The following COL5A1 variants were observed in gnomAD, a reference collection of about 807,000 sequenced individuals.
COL5A1 encodes the protein collagen alpha-1(V) chain.
A neutral mutation model predicts 263.7 loss-of-function variants in COL5A1; 16 were observed. The ratio of observed to expected loss-of-function variants is 0.06; its 90% CI spans 0.04 to 0.09. COL5A1 has a LOEUF of 0.09. COL5A1 is among the 10% of genes least tolerant of loss of function. The pLI is 1.00. For synonymous variants in COL5A1, 1,012 were observed against 1,004.5 expected (o/e 1.01, Z -0.14); for missense variants, 2,036 against 2,540.5 (o/e 0.80, Z 4.27).
rs1831501204 is a variant in COL5A1 at position 134,647,136 on chromosome 9, C to T, written c.109+4840C>T. Among the ~76,000 whole-genome samples, 2 of 152,276 alleles carry T rather than the reference C, an allele frequency of 1.3e-5. No homozygotes were observed. The highest frequency in any genetic ancestry group is 4.8e-5 in the African/African-American group (2 of 41,556). On this transcript the variant is annotated intron_variant, in intron 1 of 65. Coordinates refer to ENST00000371817, the MANE Select transcript of COL5A1 (RefSeq NM_000093.5). The surrounding 1 kb of genome is among the most constrained non-coding windows in gnomAD (Gnocchi z 5.0). ...CAGCCCTCTTTAGCTCCCAGAAGCA[C>T]AGGCGAGGGAGGTGTGCCTGTGTGG...
At chr9:134,753,796 G>GCGGGGT in intron 14 of COL5A1, 54 bp from the exon 15 acceptor site, 1 of 1,238,744 alleles carries the variant, frequency 8.1e-7, no homozygotes, top group Non-Finnish European at 1.2e-6. Context: ...AGCCCTTCCT[G>GCGGGGT]TGTTCTCGAG....
intron 4 of COL5A1, among the ~76,000 whole-genome samples, chr9:134,725,081 C>T (rs567433293): frequency 9.2e-5 from 14 of 152,318 alleles, no homozygotes; most frequent in African/African-American, 3.4e-4. Context: ...AGTCCCCTTG[C>T]CTGCGGCACC....
At chr9:134,662,904 G>C (rs1400274570) in intron 1 of COL5A1, among the ~76,000 whole-genome samples, 6 of 152,220 alleles carry the variant, frequency 3.9e-5, no homozygotes, top group Admixed American at 2.6e-4. Context: ...AACCTCATCT[G>C]CCTCGTTAGC....
chr9:134,798,564 C>T (rs1000267762), intron 37 of COL5A1, 103 bp downstream of exon 37: 11 of 752,092 alleles, frequency 1.5e-5, no homozygotes, highest in African/African-American at 8.3e-5. Context: ...CCCTCCTGGC[C>T]TGGGAGAGAC....
chr9:134,743,040 A>G (rs1203557371), intron 11 of COL5A1, among the ~76,000 whole-genome samples: 1 of 152,122 alleles, frequency 6.6e-6, no homozygotes, highest in African/African-American at 2.4e-5. Flanking sequence ...CGCCCCCTAC[A>G]TCCATTCGCG....
intron 26 of COL5A1, among the ~76,000 whole-genome samples, chr9:134,773,085 C>CGGGTGCCCATGACCGGATT (rs1457785735): frequency 1.3e-5 from 2 of 152,170 alleles, no homozygotes; most frequent in African/African-American, 4.8e-5. Context: ...ATGACCGGAT[C>CGGGTGCCCATGACCGGATT]GGGTGCCCAT....
intron 4 of COL5A1, among the ~76,000 whole-genome samples, chr9:134,706,891 T>A (rs1179806830): frequency 7.9e-5 from 12 of 152,210 alleles, no homozygotes; most frequent in African/African-American, 2.7e-4. Context: ...CCCTCCCGTG[T>A]GTGACAGGTG....
chr9:134,796,496 G>C (rs544929381), intron 35 of COL5A1, 78 bp downstream of exon 35: 1 of 1,472,634 alleles, frequency 6.8e-7, no homozygotes, highest in South Asian at 1.1e-5. Flanking sequence ...GTCCTGGGGT[G>C]GGCTGGGGCC....
At chr9:134,751,845 A>G (rs1835791646) in intron 13 of COL5A1, among the ~76,000 whole-genome samples, 1 of 152,204 alleles carries the variant, frequency 6.6e-6, no homozygotes, top group South Asian at 2.1e-4. Flanking sequence ...TGCCTGAATG[A>G]TGGAAGGTGG....
chr9:134,704,348 T>C (rs1318221374), intron 4 of COL5A1, among the ~76,000 whole-genome samples: 4 of 152,198 alleles, frequency 2.6e-5, no homozygotes, highest in Non-Finnish European at 5.9e-5. Context: ...AAAATGCCTA[T>C]GAGTGGCCGA....
chr9:134,781,755 C>T (rs559900616), intron 28 of COL5A1, among the ~76,000 whole-genome samples: 1 of 152,182 alleles, frequency 6.6e-6, no homozygotes, highest in African/African-American at 2.4e-5. Context: ...CAGCTTCCAG[C>T]ACTATGTGAA....
At position 134,716,846 on chromosome 9, in the gene COL5A1, G is replaced by A. The variant is rs1588466195; in HGVS notation, c.655-10420G>A. 6.6e-6 allele frequency among the ~76,000 whole-genome samples: 1 copy of A among 152,156 alleles called. No individual in the cohort carries two copies. Among genetic ancestry groups the A allele is most frequent in the Non-Finnish European group, 1.5e-5 (1 of 68,020 alleles). On this transcript the variant is annotated intron_variant, in intron 4 of 65. Coordinates refer to ENST00000371817, the MANE Select transcript of COL5A1 (RefSeq NM_000093.5). This position sits in a 1 kb window ranked among gnomAD's most constrained non-coding sequence, Gnocchi z 4.5. ...GTTGTGAGTAGACTTGACCCTACAC[G>A]TCTTGGGCTGGTGGCTGCAGGTGAG...
intron 1 of COL5A1, among the ~76,000 whole-genome samples, chr9:134,685,186 T>TG (rs1564386060): frequency 2.8e-4 from 1 of 3,548 alleles, no homozygotes; most frequent in Non-Finnish European, 7.5e-4. Flanking sequence ...TCATTCATCC[T>TG]TCCATCTGTC....
At chr9:134,801,542 A>G (rs933987815) in intron 37 of COL5A1, among the ~76,000 whole-genome samples, 2 of 152,194 alleles carry the variant, frequency 1.3e-5, no homozygotes, top group Non-Finnish European at 2.9e-5. Context: ...TAATCCCCGC[A>G]CTTTGGGAGG....
At position 134,780,096 on chromosome 9, in the gene COL5A1, G is replaced by C. The variant is rs373383768; in HGVS notation, c.2386-6G>C. 3 of 1,613,284 alleles carry C rather than the reference G, an allele frequency of 1.9e-6. No homozygotes were observed. The highest frequency in any genetic ancestry group is 2.5e-6 in the Non-Finnish European group (3 of 1,179,994). ...TTCACTCCTTTTTCTTTTCCCACCC[G>C]CACAGGGGGCCGATGGCATCCGTGG... On this transcript the variant is annotated splice_polypyrimidine_tract_variant and splice_region_variant and intron_variant, in intron 27 of 65. Transcript: ENST00000371817.
intron 2 of COL5A1, among the ~76,000 whole-genome samples, chr9:134,695,860 G>A (rs1471725314): frequency 1.3e-5 from 2 of 152,226 alleles, no homozygotes; most frequent in Admixed American, 1.3e-4. Flanking sequence ...CCAGATGGCA[G>A]CTTCCTCTCT....
intron 22 of COL5A1, among the ~76,000 whole-genome samples, chr9:134,766,701 C>T (rs1485944764): frequency 1.3e-5 from 2 of 152,210 alleles, no homozygotes; most frequent in South Asian, 2.1e-4. Context: ...GAGTTTTCTG[C>T]CCAATAAATC....
chr9:134,665,942 G>GC (rs1832342176), intron 1 of COL5A1, among the ~76,000 whole-genome samples: 1 of 152,126 alleles, frequency 6.6e-6, no homozygotes, highest in African/African-American at 2.4e-5. Context: ...ACAAAAACTA[G>GC]CTGGTGTGGT....
At position 134,696,681 on chromosome 9, in the gene COL5A1, G is replaced by A. The variant is rs1479301716; in HGVS notation, c.278-3228G>A. On this transcript the variant is annotated intron_variant, in intron 2 of 65. Coordinates refer to ENST00000371817, the MANE Select transcript of COL5A1 (RefSeq NM_000093.5). This position sits in a 1 kb window ranked among gnomAD's most constrained non-coding sequence, Gnocchi z 4.3. The stretch of plus-strand genomic sequence containing the variant: ...CAATCGGTATGCTTAGTAACTGTCG[G>A]CTCAGTATGATTTAGTTTCAACACA... Among the ~76,000 whole-genome samples the A allele has an allele frequency of 2.6e-5, 4 of 152,156 alleles. No individual in the cohort carries two copies. Among genetic ancestry groups the A allele is most frequent in the African/African-American group, 9.7e-5 (4 of 41,420 alleles).
Sources: gnomAD v4.1 joint callset for allele counts (sites outside exome capture counted in the v4.1 genomes callset) on GRCh38, gnomAD v4.1.1 for gene constraint, Gnocchi (gnomAD v3.1) non-coding constraint, MANE v1.5 for transcripts, NCBI Gene and HGNC (gene_info 2026-07-23, HGNC 2026-07-21) for gene names.